PTPRN2: variants seen among roughly 807,000 people sequenced by gnomAD.
The protein encoded by PTPRN2 is receptor-type tyrosine-protein phosphatase N2.
Under a neutral mutation model 118.8 loss-of-function variants are expected in PTPRN2, and 74 were observed. The observed-to-expected ratio is 0.62, with a 90% CI of 0.52 to 0.76. PTPRN2 has a LOEUF of 0.76. PTPRN2 is among the 30% of genes least tolerant of loss of function. The pLI, the probability that PTPRN2 is intolerant of heterozygous loss-of-function variation, is 0.00. For synonymous variants in PTPRN2, 641 were observed against 608.0 expected (o/e 1.05, Z -0.80); for missense variants, 1,481 against 1,394.4 (o/e 1.06, Z -0.99).
chr7:158,238,922 C>T (rs1048350058), intron 3 of PTPRN2, among the ~76,000 whole-genome samples: 8 of 141,478 alleles, frequency 5.7e-5, no homozygotes, highest in Admixed American at 1.3e-4. Flanking sequence ...GCCCCCAGGA[C>T]GCCCCCAGGA....
chr7:158,032,640 G>A (rs1478597818), intron 11 of PTPRN2, among the ~76,000 whole-genome samples: 1 of 151,984 alleles, frequency 6.6e-6, no homozygotes, highest in Non-Finnish European at 1.5e-5. Flanking sequence ...ATTGTGCAGT[G>A]AGCAGTGAAT....
chr7:157,574,536 G>C, intron 19 of PTPRN2: 1 of 293,424 alleles, frequency 3.4e-6, no homozygotes, highest in Non-Finnish European at 7.9e-6. Flanking sequence ...GAGAGAGAGA[G>C]TTTTTAAAGC....
Position 158,192,321 on chromosome 7 carries a change from G to A in PTPRN2, c.549+6C>T, listed in dbSNP as rs761851508. ...CCCCGGCCCGGGGAGGAAGTGGAAG[G>A]GTCACCTCAGCGGGGGGTCTGTCCT... On this transcript the variant is annotated splice_donor_region_variant and intron_variant, in intron 5 of 22. Coordinates refer to ENST00000389418, the MANE Select transcript of PTPRN2 (RefSeq NM_002847.5). The A allele has an allele frequency of 4.8e-6, 7 of 1,462,710 alleles. No individual in the cohort carries two copies. The South Asian group carries it at 1.1e-4, about 22-fold the overall frequency. The allele number at this position is 1,462,710 out of a possible 1,614,324, so 90.6% of individuals were successfully genotyped here.
At chr7:157,644,111 C>G (rs943283091) in intron 14 of PTPRN2, among the ~76,000 whole-genome samples, 6 of 111,938 alleles carry the variant, frequency 5.4e-5, no homozygotes, top group Non-Finnish European at 1.1e-4. Flanking sequence ...CTCCAGGTTA[C>G]CCCGCAACAT....
At chr7:157,908,572 C>T (rs1797908103) in intron 11 of PTPRN2, among the ~76,000 whole-genome samples, 1 of 152,242 alleles carries the variant, frequency 6.6e-6, no homozygotes, top group Admixed American at 6.5e-5. Flanking sequence ...AGGCGCCCCG[C>T]AGCACCCCAC....
intron 11 of PTPRN2, among the ~76,000 whole-genome samples, chr7:157,927,440 C>CT (rs1799083333): frequency 8.8e-6 from 1 of 113,482 alleles, no homozygotes; most frequent in Non-Finnish European, 1.7e-5. Flanking sequence ...TTCTGGGACC[C>CT]CAAGACAGGA....
At chr7:158,192,777 C>T (rs1825884582) in intron 4 of PTPRN2, among the ~76,000 whole-genome samples, 1 of 152,118 alleles carries the variant, frequency 6.6e-6, no homozygotes, top group Non-Finnish European at 1.5e-5. Flanking sequence ...ACATGGGAAA[C>T]AAGGGGAGGG....
intron 10 of PTPRN2, among the ~76,000 whole-genome samples, chr7:158,097,019 G>A (rs1381515902): frequency 6.6e-6 from 1 of 152,160 alleles, no homozygotes; most frequent in African/African-American, 2.4e-5. Context: ...AGGCCACAGG[G>A]AAAACCAGAG....
intron 4 of PTPRN2, among the ~76,000 whole-genome samples, chr7:158,200,753 A>G (rs1563595215): frequency 6.6e-6 from 1 of 152,202 alleles, no homozygotes; most frequent in East Asian, 1.9e-4. Context: ...TGAAGTTTAA[A>G]AACAACACAT....
At chr7:158,244,694 AGT>A (rs1431869500) in intron 3 of PTPRN2, among the ~76,000 whole-genome samples, 1 of 135,202 alleles carries the variant, frequency 7.4e-6, no homozygotes. Context: ...GTAAGTTGTG[AGT>A]GTGTGTGGTT....
chr7:157,568,774 C>T (rs1265829771), intron 21 of PTPRN2, 128 bp downstream of exon 21: 11 of 898,990 alleles, frequency 1.2e-5, no homozygotes, highest in South Asian at 5.9e-5. Flanking sequence ...CACCTTCCTA[C>T]GGCCCAGCAG....
At chr7:158,167,372 G>A (rs1375751872) in intron 5 of PTPRN2, 81 bp from the exon 6 acceptor site, 5 of 1,504,842 alleles carry the variant, frequency 3.3e-6, no homozygotes, top group Admixed American at 4.1e-5. Flanking sequence ...TTCAGTCTCA[G>A]TTTTCAAGGT....
chr7:157,575,702 C>A (rs1051269378), intron 19 of PTPRN2, among the ~76,000 whole-genome samples: 1 of 152,152 alleles, frequency 6.6e-6, no homozygotes, highest in East Asian at 1.9e-4. Flanking sequence ...ACTGTAGACT[C>A]GAGAATGAGT....
chr7:158,343,487 T>C (rs974571330), intron 2 of PTPRN2, among the ~76,000 whole-genome samples: 3 of 152,144 alleles, frequency 2.0e-5, no homozygotes, highest in Non-Finnish European at 4.4e-5. Flanking sequence ...GCAGTCGCCG[T>C]GGAAAGCACA....
chr7:158,194,354 T>A (rs908198546), intron 4 of PTPRN2, among the ~76,000 whole-genome samples: 3 of 152,228 alleles, frequency 2.0e-5, no homozygotes, highest in Admixed American at 6.5e-5. Context: ...AGAACGGGCA[T>A]CACCATTAAA....
At chr7:158,289,114 AT>A (rs1412561040) in intron 3 of PTPRN2, among the ~76,000 whole-genome samples, 6 of 151,850 alleles carry the variant, frequency 4.0e-5, no homozygotes, top group African/African-American at 1.5e-4. Flanking sequence ...TTTGTCTTTG[AT>A]TTTTGACAGT....
chr7:158,072,457 G>C (rs992119407), intron 11 of PTPRN2, among the ~76,000 whole-genome samples: 1 of 152,148 alleles, frequency 6.6e-6, no homozygotes, highest in Non-Finnish European at 1.5e-5. Context: ...CCTTGGGCAG[G>C]TGTTGACCAG....
chr7:157,551,857 A>G (rs1798643513), intron 21 of PTPRN2, among the ~76,000 whole-genome samples: 1 of 141,002 alleles, frequency 7.1e-6, no homozygotes, highest in Non-Finnish European at 1.5e-5. Flanking sequence ...CACAGCCAGC[A>G]CGCACCCCAT....
intron 11 of PTPRN2, among the ~76,000 whole-genome samples, chr7:157,963,496 G>T (rs1191137705): frequency 1.3e-5 from 2 of 152,270 alleles, no homozygotes; most frequent in African/African-American, 4.8e-5. Context: ...TAATCACATA[G>T]ATACGTGTTA....
Sources: allele counts gnomAD v4.1 joint callset (sites outside exome capture counted in the v4.1 genomes callset), GRCh38; gene constraint gnomAD v4.1.1; transcripts MANE v1.5; gene names NCBI Gene and HGNC (gene_info 2026-07-23, HGNC 2026-07-21).